The following EMILIN2 variants were observed in gnomAD, a reference collection of about 807,000 sequenced individuals.
EMILIN2 encodes the protein elastin microfibril interfacer 2, also known as EMILIN-2.
In EMILIN2, 71 loss-of-function variants were observed where a neutral mutation model predicts 87.1. The observed-to-expected ratio is 0.82, with a 90% CI of 0.67 to 0.99. The LOEUF is 0.99. Ranked by LOEUF, EMILIN2 falls within the 50% of genes least tolerant of loss-of-function variation. The pLI is 0.00. For missense variants in EMILIN2, 1,407 were observed against 1,371.8 expected, an observed-to-expected ratio of 1.03 and a Z score of -0.40; for synonymous variants, 581 against 563.4, an observed-to-expected ratio of 1.03 and a Z score of -0.44.
At chr18:2,910,756 T>G (rs559274522) in intron 7 of EMILIN2, among the ~76,000 whole-genome samples, 11 of 152,244 alleles carry the variant, frequency 7.2e-5, no homozygotes, top group Non-Finnish European at 1.3e-4. Context: ...ACGTTTGCCC[T>G]GTCTAGTCAC....
At chr18:2,883,366 G>T (rs2076787118) in intron 2 of EMILIN2, among the ~76,000 whole-genome samples, 1 of 152,174 alleles carries the variant, frequency 6.6e-6, no homozygotes, top group Non-Finnish European at 1.5e-5. Context: ...TCCCCCCATG[G>T]GCAGCTCTCA....
chr18:2,908,876 G>A, intron 5 of EMILIN2, 67 bp from the exon 6 acceptor site: 1 of 1,589,552 alleles, frequency 6.3e-7, no homozygotes, highest in South Asian at 1.1e-5. Context: ...GAGGAAAAAG[G>A]GGGCTCAGAA....
intron 2 of EMILIN2, among the ~76,000 whole-genome samples, chr18:2,860,598 T>C (rs554918743): frequency 5.9e-5 from 9 of 152,368 alleles, no homozygotes; most frequent in Non-Finnish European, 1.2e-4. Flanking sequence ...TAGTATTCCA[T>C]GGTGTATATG....
rs764401891 is a variant in EMILIN2, at chr18:2,909,725, G to A, written c.2730G>A (p.Ala910=). The change falls in exon 7 of 8, where the codon GCG becomes GCA. Residue 910 remains alanine, a synonymous_variant. Coordinates refer to ENST00000254528, the MANE Select transcript of EMILIN2 (RefSeq NM_032048.3). ...TGCCTTCTCTGGTGTCTTTTTCTGCGGGGCTCACCCAGAAGCCTTTCCCCA... is the reference window on the plus strand; with the variant it reads ...TGCCTTCTCTGGTGTCTTTTTCTGCAGGGCTCACCCAGAAGCCTTTCCCCA... ...APVPSLVSFS[A]GLTQKPFPSD... 6.2e-6 allele frequency: 10 copies of A among 1,613,840 alleles called. No individual in the cohort carries two copies. The highest frequency in any genetic ancestry group is 4.4e-5 in the South Asian group (4 of 91,074).
Position 2,885,159 on chromosome 18 carries a change from A to G in EMILIN2, c.433+20A>G, listed in dbSNP as rs768877455. ...CCACAGGTAACTTCTTATTTGTGCT[A>G]TTATGTATGGCCACCTTTAATATTT... On this transcript the variant is annotated intron_variant, in intron 3 of 7. Coordinates refer to ENST00000254528, the MANE Select transcript of EMILIN2 (RefSeq NM_032048.3). The G allele has an allele frequency of 3.2e-6, 5 of 1,566,166 alleles. No individual in the cohort carries two copies. The highest frequency in any genetic ancestry group is 1.9e-5 in the Admixed American group (1 of 52,502).
intron 3 of EMILIN2, among the ~76,000 whole-genome samples, chr18:2,889,781 G>A (rs1447028021): frequency 3.6e-5 from 5 of 138,430 alleles, no homozygotes; most frequent in Non-Finnish European, 7.5e-5. Context: ...CCATCTTCCT[G>A]CCTCCCTAGT....
Position 2,891,470 on chromosome 18 carries a change from C to A in EMILIN2, c.1343C>A (p.Ala448Glu), listed in dbSNP as rs1486240442. 3 of 1,614,088 alleles carry A rather than the reference C, an allele frequency of 1.9e-6. No individual in the cohort carries two copies. The highest frequency in any genetic ancestry group is 2.5e-6 in the Non-Finnish European group (3 of 1,180,020). Residue 448 changes from alanine (A) to glutamate (E), a missense_variant, in exon 4 of 8, where the codon GCA becomes GAA. Transcript: ENST00000254528. The surrounding 1 kb of genome is among the most constrained non-coding windows in gnomAD (Gnocchi z 4.6). ...IVPEPDVDFD[A>E]KWNELDARIN... ...CCAGAGCCAGATGTGGATTTTGATG[C>A]AAAATGGAATGAACTCGATGCAAGG...
chr18:2,859,444 A>G (rs1460769986), intron 2 of EMILIN2, among the ~76,000 whole-genome samples: 1 of 151,790 alleles, frequency 6.6e-6, no homozygotes, highest in Admixed American at 6.6e-5. Context: ...AATTTGTTTG[A>G]GTTTGCTGTA....
intron 4 of EMILIN2, 117 bp from the exon 5 acceptor site, chr18:2,906,666 G>T (rs1043646757): frequency 1.2e-6 from 1 of 809,528 alleles, no homozygotes; most frequent in East Asian, 3.7e-5. Flanking sequence ...CGCAGGGGTG[G>T]CCGCAGAGTC....
chr18:2,880,563 C>T lies in EMILIN2; in HGVS notation c.258-4401C>T, dbSNP rs1224831638. 2.6e-5 allele frequency among the ~76,000 whole-genome samples: 4 copies of T among 152,290 alleles called. No homozygotes were observed. Among genetic ancestry groups the T allele is most frequent in the East Asian group, 1.9e-4 (1 of 5,184 alleles). ...GCTGGGGCACCATCACAGTCACAGCCGAGGCTGGGAAGGGAGCCAGGGCTG... is the reference window on the plus strand; with the variant it reads ...GCTGGGGCACCATCACAGTCACAGCTGAGGCTGGGAAGGGAGCCAGGGCTG... On this transcript the variant is annotated intron_variant, in intron 2 of 7. Transcript: ENST00000254528. This position sits in a 1 kb window ranked among gnomAD's most constrained non-coding sequence, Gnocchi z 4.1.
intron 2 of EMILIN2, among the ~76,000 whole-genome samples, chr18:2,860,070 T>G (rs544563961): frequency 3.9e-5 from 6 of 152,276 alleles, no homozygotes; most frequent in African/African-American, 1.2e-4. Context: ...TTTGGTTCTA[T>G]AAGAATTTTA....
chr18:2,904,902 G>A (rs2076902823), intron 4 of EMILIN2, among the ~76,000 whole-genome samples: 2 of 152,206 alleles, frequency 1.3e-5, no homozygotes, highest in African/African-American at 2.4e-5. Context: ...TAAGCAAGTG[G>A]CTGGGAGCTT....
At chr18:2,883,869 G>C (rs75532536) in intron 2 of EMILIN2, among the ~76,000 whole-genome samples, 1,998 of 152,352 alleles carry the variant, frequency 0.013, 44 homozygotes, top group African/African-American at 0.045. Context: ...AAAAGCTGGT[G>C]GCTACCTTTG....
chr18:2,846,876 C>G, upstream of EMILIN2: 2 of 984,930 alleles, frequency 2.0e-6, no homozygotes, highest in Non-Finnish European at 2.4e-6. The surrounding 1 kb of genome is among the most constrained non-coding windows in gnomAD (Gnocchi z 5.3). Flanking sequence ...AGCGAAGGGA[C>G]TGGAGACGGG....
intron 2 of EMILIN2, among the ~76,000 whole-genome samples, chr18:2,856,857 A>G (rs2076630310): frequency 6.6e-6 from 1 of 152,222 alleles, no homozygotes; most frequent in Non-Finnish European, 1.5e-5. Context: ...GAATCGAGGG[A>G]GGAGCCCCTT....
At chr18:2,859,640 T>C (rs2076650796) in intron 2 of EMILIN2, among the ~76,000 whole-genome samples, 1 of 152,240 alleles carries the variant, frequency 6.6e-6, no homozygotes, top group African/African-American at 2.4e-5. Context: ...ATGAAGTCTT[T>C]ACCTAAGCCA....
At chr18:2,909,888 A>G (rs1214073360) in intron 7 of EMILIN2, 69 bp downstream of exon 7, 1 of 1,574,192 alleles carries the variant, frequency 6.4e-7, no homozygotes, top group East Asian at 2.3e-5. Context: ...CCCTCCCACC[A>G]TGGCTGGCTG....
At chr18:2,867,965 T>C (rs2076695789) in intron 2 of EMILIN2, among the ~76,000 whole-genome samples, 1 of 148,032 alleles carries the variant, frequency 6.8e-6, no homozygotes, top group Admixed American at 6.7e-5. Flanking sequence ...ACGGGGCGGC[T>C]GGCCGGGCAG....
intron 2 of EMILIN2, among the ~76,000 whole-genome samples, chr18:2,856,861 G>C (rs1446537020): frequency 2.6e-5 from 4 of 152,160 alleles, no homozygotes; most frequent in Non-Finnish European, 4.4e-5. Flanking sequence ...CGAGGGAGGA[G>C]CCCCTTATTT....
Sources: allele counts gnomAD v4.1 joint callset (sites outside exome capture counted in the v4.1 genomes callset), GRCh38; gene constraint gnomAD v4.1.1; non-coding constraint Gnocchi (gnomAD v3.1); transcripts MANE v1.5; gene names NCBI Gene and HGNC (gene_info 2026-07-23, HGNC 2026-07-21).